The following LRFN5 variants were observed in gnomAD, a reference collection of about 807,000 sequenced individuals.
The protein encoded by LRFN5 is leucine-rich repeat and fibronectin type-III domain-containing protein 5.
In LRFN5, 24 loss-of-function variants were observed where a neutral mutation model predicts 45.6. The ratio of observed to expected loss-of-function variants is 0.53; its 90% CI spans 0.38 to 0.74. LRFN5 has a LOEUF of 0.74. LRFN5 is among the 30% of genes least tolerant of loss of function. LRFN5 has a pLI of 0.00. For missense variants in LRFN5, 776 were observed against 861.5 expected (o/e 0.90, Z 1.24); for synonymous variants, 340 against 313.8 (o/e 1.08, Z -0.88).
At chr14:41,673,022 TTTG>T (rs1305992430) in intron 1 of LRFN5, among the ~76,000 whole-genome samples, 5 of 150,738 alleles carry the variant, frequency 3.3e-5, no homozygotes, top group Admixed American at 6.6e-5. Context: ...TTTTTATGAT[TTTG>T]TTATTTATTT....
chr14:41,834,260 C>A (rs1032240586), intron 2 of LRFN5, among the ~76,000 whole-genome samples: 3 of 152,094 alleles, frequency 2.0e-5, no homozygotes, highest in African/African-American at 7.2e-5. Flanking sequence ...TCTTAAATAT[C>A]TTTTGCAAAG....
intron 1 of LRFN5, among the ~76,000 whole-genome samples, chr14:41,702,549 A>G (rs573974941): frequency 2.5e-4 from 38 of 152,152 alleles, no homozygotes; most frequent in Non-Finnish European, 1.5e-5. Flanking sequence ...TACACTCTCA[A>G]ACTCCTGGGT....
intron 2 of LRFN5, among the ~76,000 whole-genome samples, chr14:41,859,705 T>C (rs1471382579): frequency 2.0e-5 from 3 of 152,196 alleles, no homozygotes; most frequent in African/African-American, 7.2e-5. Flanking sequence ...ATATAGAAAT[T>C]CATGAACATT....
intron 1 of LRFN5, among the ~76,000 whole-genome samples, chr14:41,762,412 A>G (rs373102095): frequency 6.6e-6 from 1 of 152,152 alleles, no homozygotes; most frequent in East Asian, 1.9e-4. Flanking sequence ...TGTGTGTAAT[A>G]ATTTGTAAAA....
At chr14:41,673,048 A>T (rs541408268) in intron 1 of LRFN5, among the ~76,000 whole-genome samples, 16 of 149,514 alleles carry the variant, frequency 1.1e-4, no homozygotes, top group African/African-American at 2.8e-4. Flanking sequence ...TTATTTATTT[A>T]TTTTTTCACA....
chr14:41,616,881 G>A (rs1887945089), intron 1 of LRFN5, among the ~76,000 whole-genome samples: 1 of 152,108 alleles, frequency 6.6e-6, no homozygotes, highest in African/African-American at 2.4e-5. Flanking sequence ...TCCAAGATAT[G>A]TTTAAGGCAG....
At chr14:41,869,504 G>A (rs149894528) in intron 2 of LRFN5, among the ~76,000 whole-genome samples, 1,845 of 151,772 alleles carry the variant, frequency 0.012, 23 homozygotes, top group Middle Eastern at 0.024. Context: ...CTAGCCTGGC[G>A]TTGTTGAAAT....
At chr14:41,671,284 T>C (rs1364602195) in intron 1 of LRFN5, among the ~76,000 whole-genome samples, 1 of 152,158 alleles carries the variant, frequency 6.6e-6, no homozygotes, top group Non-Finnish European at 1.5e-5. Context: ...TTAAATATAA[T>C]GTCAATTGCA....
At chr14:41,853,011 A>G (rs2139079398) in intron 2 of LRFN5, among the ~76,000 whole-genome samples, 1 of 152,118 alleles carries the variant, frequency 6.6e-6, no homozygotes, top group Non-Finnish European at 1.5e-5. Flanking sequence ...TTATCTACAG[A>G]CACTATCTTT....
chr14:41,686,581 C>G (rs79792256), intron 1 of LRFN5, among the ~76,000 whole-genome samples: 1 of 151,818 alleles, frequency 6.6e-6, no homozygotes, highest in South Asian at 2.1e-4. Context: ...TTTGCCTATT[C>G]AATATGATAT....
intron 4 of LRFN5, chr14:41,894,343 A>C: frequency 2.3e-6 from 2 of 877,396 alleles, no homozygotes; most frequent in Non-Finnish European, 2.7e-6. Flanking sequence ...AGACATTTAA[A>C]ATTCCATATT....
intron 1 of LRFN5, among the ~76,000 whole-genome samples, chr14:41,738,536 T>C (rs944244028): frequency 6.6e-6 from 1 of 152,188 alleles, no homozygotes; most frequent in African/African-American, 2.4e-5. Context: ...GGATTCTGGG[T>C]ATAGAATTCT....
intron 2 of LRFN5, among the ~76,000 whole-genome samples, chr14:41,786,125 A>G (rs1394076280): frequency 6.6e-6 from 1 of 152,142 alleles, no homozygotes; most frequent in Non-Finnish European, 1.5e-5. Context: ...ACTTCTATGT[A>G]TGTTATAAAC....
At chr14:41,774,621 T>G (rs1360360580) in intron 2 of LRFN5, among the ~76,000 whole-genome samples, 1 of 152,222 alleles carries the variant, frequency 6.6e-6, no homozygotes, top group Non-Finnish European at 1.5e-5. Flanking sequence ...AGGAATTTGA[T>G]AGATTCAGGA....
intron 1 of LRFN5, among the ~76,000 whole-genome samples, chr14:41,657,443 T>G (rs996666375): frequency 2.6e-5 from 4 of 151,950 alleles, no homozygotes; most frequent in African/African-American, 7.2e-5. Flanking sequence ...GAATTAACAC[T>G]GTGCTCTGAC....
intron 2 of LRFN5, among the ~76,000 whole-genome samples, chr14:41,863,420 C>G (rs1889736356): frequency 6.6e-6 from 1 of 152,064 alleles, no homozygotes; most frequent in African/African-American, 2.4e-5. Context: ...TATACATTGA[C>G]CTATTGGTGA....
At position 41,771,791 on chromosome 14, in the gene LRFN5, C is replaced by G. The variant is rs554566970; in HGVS notation, c.-21+4762C>G. Among the ~76,000 whole-genome samples the G allele has an allele frequency of 3.3e-5, 5 of 152,272 alleles. No homozygotes were observed. The East Asian group carries it at 7.7e-4, about 24-fold the overall frequency. On this transcript the variant is annotated intron_variant, in intron 2 of 5. Transcript: ENST00000298119. The stretch of plus-strand genomic sequence containing the variant: ...GAATTCTAAACTTTCCCTCATCTTT[C>G]TGTCTTCTGAGATCTCCAAAGTCTC...
At chr14:41,881,296 T>C (rs1890370484) in intron 2 of LRFN5, among the ~76,000 whole-genome samples, 1 of 151,992 alleles carries the variant, frequency 6.6e-6, no homozygotes, top group African/African-American at 2.4e-5. Flanking sequence ...AAGAATACTT[T>C]TATTAGATAT....
At chr14:41,702,611 T>C (rs1045100492) in intron 1 of LRFN5, among the ~76,000 whole-genome samples, 8 of 151,970 alleles carry the variant, frequency 5.3e-5, no homozygotes, top group African/African-American at 1.9e-4. Flanking sequence ...TACAGGAACA[T>C]GCCACTGCGC....
Sources: allele counts gnomAD v4.1 joint callset (sites outside exome capture counted in the v4.1 genomes callset), GRCh38; gene constraint gnomAD v4.1.1; transcripts MANE v1.5; gene names NCBI Gene and HGNC (gene_info 2026-07-23, HGNC 2026-07-21).